Variants in GRIN2B observed in about 807,000 individuals in gnomAD.
GRIN2B encodes the protein glutamate ionotropic receptor NMDA type subunit 2B, also known as glutamate receptor ionotropic, NMDA 2B.
In GRIN2B, 5 loss-of-function variants were observed where a neutral mutation model predicts 114.5. The ratio of observed to expected loss-of-function variants is 0.04; its 90% CI spans 0.02 to 0.09. GRIN2B has a LOEUF of 0.09. Ranked by LOEUF, GRIN2B falls within the 10% of genes least tolerant of loss-of-function variation. The pLI, the probability that GRIN2B is intolerant of heterozygous loss-of-function variation, is 1.00. For synonymous variants in GRIN2B, 787 were observed against 745.1 expected (o/e 1.06, Z -0.92); for missense variants, 1,108 against 1,943.5 (o/e 0.57, Z 8.08).
At chr12:13,923,802 G>A (rs761964925) in intron 2 of GRIN2B, among the ~76,000 whole-genome samples, 1 of 152,110 alleles carries the variant, frequency 6.6e-6, no homozygotes, top group Non-Finnish European at 1.5e-5. Context: ...TGGACCAAAA[G>A]AGGAAATAAA....
chr12:13,725,350 G>T (rs1042978402), intron 4 of GRIN2B, among the ~76,000 whole-genome samples: 5 of 152,112 alleles, frequency 3.3e-5, no homozygotes, highest in Non-Finnish European at 5.9e-5. Context: ...GGGAAGAGGA[G>T]GAGTCAGGCA....
intron 3 of GRIN2B, among the ~76,000 whole-genome samples, chr12:13,832,527 T>C (rs1241823101): frequency 6.6e-6 from 1 of 152,250 alleles, no homozygotes; most frequent in Non-Finnish European, 1.5e-5. Flanking sequence ...CAGTGTCTAG[T>C]ATAGTGTCTT....
At chr12:13,736,746 C>T (rs560864878) in intron 4 of GRIN2B, among the ~76,000 whole-genome samples, 4 of 152,126 alleles carry the variant, frequency 2.6e-5, no homozygotes, top group South Asian at 4.2e-4. Context: ...AATATATGGC[C>T]GGGCCAATCA....
rs141639163 is a variant in GRIN2B at position 13,874,040 on chromosome 12, T to A, written c.-18-7814A>T. On this transcript the variant is annotated intron_variant, in intron 2 of 13. Coordinates refer to ENST00000609686, the MANE Select transcript of GRIN2B (RefSeq NM_000834.5). The stretch of plus-strand genomic sequence containing the variant: ...TGAACCAACAAGTCCTCTTACATAA[T>A]GCAGGTAAGGACGCCCATCCTAAGC... Among the ~76,000 whole-genome samples, 14 of 152,304 alleles carry A rather than the reference T, an allele frequency of 9.2e-5. No homozygotes were observed. The East Asian group carries it at 2.7e-3, about 29-fold the overall frequency.
intron 3 of GRIN2B, among the ~76,000 whole-genome samples, chr12:13,764,565 C>A (rs1254721951): frequency 6.6e-6 from 1 of 152,148 alleles, no homozygotes; most frequent in Non-Finnish European, 1.5e-5. Context: ...GGACAAGCAG[C>A]AGAAATCACT....
At chr12:13,668,221 T>G (rs1476039472) in intron 5 of GRIN2B, among the ~76,000 whole-genome samples, 1 of 152,208 alleles carries the variant, frequency 6.6e-6, no homozygotes, top group African/African-American at 2.4e-5. Flanking sequence ...TCCATCAGCA[T>G]GTACAGGTTT....
intron 4 of GRIN2B, among the ~76,000 whole-genome samples, chr12:13,706,419 T>TCTTC (rs1448479766): frequency 6.6e-6 from 1 of 152,130 alleles, no homozygotes; most frequent in Non-Finnish European, 1.5e-5. Context: ...AAATAAAGTA[T>TCTTC]CTTCCAGCAA....
At chr12:13,901,225 C>T (rs1266235426) in intron 2 of GRIN2B, among the ~76,000 whole-genome samples, 1 of 152,110 alleles carries the variant, frequency 6.6e-6, no homozygotes, top group East Asian at 1.9e-4. Flanking sequence ...CATTCCTTTG[C>T]TTCCTAATGA....
At position 13,738,711 on chromosome 12, in the gene GRIN2B, A is replaced by T. The variant is rs558773809; in HGVS notation, c.1010+14606T>A. Among the ~76,000 whole-genome samples, 13 of 152,152 alleles carry T rather than the reference A, an allele frequency of 8.5e-5. 1 individual carries two copies. The South Asian group carries it at 2.7e-3, about 32-fold the overall frequency. On this transcript the variant is annotated intron_variant, in intron 4 of 13. Coordinates refer to ENST00000609686, the MANE Select transcript of GRIN2B (RefSeq NM_000834.5). ...CATGTGAATGCTATCATTGCATTTT[A>T]CCCTATTCTGATAACCGAGGTAAAA...
At chr12:13,629,601 C>G (rs1949600508) in intron 5 of GRIN2B, among the ~76,000 whole-genome samples, 1 of 151,706 alleles carries the variant, frequency 6.6e-6, no homozygotes, top group Non-Finnish European at 1.5e-5. Context: ...CACGTTTCAC[C>G]CTTTCTCCTT....
chr12:13,729,812 G>A (rs1356634418), intron 4 of GRIN2B, among the ~76,000 whole-genome samples: 3 of 119,622 alleles, frequency 2.5e-5, no homozygotes, highest in African/African-American at 9.5e-5. Flanking sequence ...CAAAGAGGAA[G>A]CCATATGGGG....
rs147477715 is a variant in GRIN2B, at chr12:13,647,530, T to C, written c.1125+28215A>G. On this transcript the variant is annotated intron_variant, in intron 5 of 13. Coordinates refer to ENST00000609686, the MANE Select transcript of GRIN2B (RefSeq NM_000834.5). The stretch of plus-strand genomic sequence containing the variant: ...ACTTCTGGTGATTTTGAACCCATAA[T>C]GTATATGGTCTTGAAGTTAAAAATA... Among the ~76,000 whole-genome samples the C allele has an allele frequency of 6.9e-3, 1,056 of 152,204 alleles. 5 individuals carry two copies. The highest frequency in any genetic ancestry group is 0.024 in the Middle Eastern group (7 of 294).
intron 2 of GRIN2B, among the ~76,000 whole-genome samples, chr12:13,876,160 A>C (rs1431766312): frequency 2.0e-5 from 3 of 152,324 alleles, no homozygotes; most frequent in African/African-American, 7.2e-5. Flanking sequence ...AAGGCCCTAA[A>C]GTCAAAAAGA....
At chr12:13,597,066 C>G (rs1949083013) in intron 10 of GRIN2B, among the ~76,000 whole-genome samples, 1 of 152,214 alleles carries the variant, frequency 6.6e-6, no homozygotes, top group South Asian at 2.1e-4. Flanking sequence ...GGAACCCTCA[C>G]TTTCTAGTTG....
chr12:13,641,663 G>A (rs187958258), intron 5 of GRIN2B, among the ~76,000 whole-genome samples: 1 of 152,206 alleles, frequency 6.6e-6, no homozygotes, highest in African/African-American at 2.4e-5. Context: ...AGTCATGGAT[G>A]ATCATCTTAA....
At chr12:13,652,644 G>A (rs926101119) in intron 5 of GRIN2B, among the ~76,000 whole-genome samples, 1 of 152,132 alleles carries the variant, frequency 6.6e-6, no homozygotes, top group South Asian at 2.1e-4. Flanking sequence ...AGGCAAGCAA[G>A]ACACACCAAT....
intron 4 of GRIN2B, among the ~76,000 whole-genome samples, chr12:13,695,382 A>G (rs1950251330): frequency 6.6e-6 from 1 of 152,202 alleles, no homozygotes; most frequent in South Asian, 2.1e-4. Flanking sequence ...ACAATGGTTT[A>G]AAGACTATGC....
intron 2 of GRIN2B, among the ~76,000 whole-genome samples, chr12:13,890,954 C>T (rs1030602265): frequency 6.6e-6 from 1 of 152,164 alleles, no homozygotes; most frequent in Non-Finnish European, 1.5e-5. Context: ...CAGATGAGGC[C>T]TCTTAAGGCA....
intron 10 of GRIN2B, among the ~76,000 whole-genome samples, chr12:13,598,990 G>A (rs935223636): frequency 1.3e-5 from 2 of 152,184 alleles, no homozygotes; most frequent in Non-Finnish European, 2.9e-5. Flanking sequence ...CCGTGCTGAG[G>A]GAGTCGGCTT....
Sources: allele counts gnomAD v4.1 joint callset (sites outside exome capture counted in the v4.1 genomes callset), GRCh38; gene constraint gnomAD v4.1.1; transcripts MANE v1.5; gene names NCBI Gene and HGNC (gene_info 2026-07-23, HGNC 2026-07-21).